HTT-AS: variants seen among roughly 807,000 people sequenced by gnomAD.
The protein encoded by HTT-AS is HTT antisense RNA (head to head).
chr4:3,060,198 T>G (rs999144229), intron 2 of HTT-AS, among the ~76,000 whole-genome samples: 11 of 152,208 alleles, frequency 7.2e-5, no homozygotes, highest in African/African-American at 2.6e-4. Flanking sequence ...TGATAGGAGG[T>G]CATAGCAATT....
rs552887192 is a variant in HTT-AS, at chr4:3,070,853, T to C, written n.113+3573A>G. Among the ~76,000 whole-genome samples the C allele has an allele frequency of 9.1e-4, 139 of 152,322 alleles. 2 individuals are homozygous for C. The highest frequency in any genetic ancestry group is 2.8e-3 in the Admixed American group (43 of 15,306). ...GATCACACATGCCTGACTGTTTGCA[T>C]AGGATAAATTACGGGAAATGTTTTT... On this transcript the variant is annotated intron_variant and non_coding_transcript_variant, in intron 1 of 2. Transcript: ENST00000664062.
At chr4:3,065,515 C>T (rs1190050364) in intron 1 of HTT-AS, among the ~76,000 whole-genome samples, 4 of 152,110 alleles carry the variant, frequency 2.6e-5, no homozygotes, top group African/African-American at 9.7e-5. Flanking sequence ...CCACGCCAGC[C>T]CAACTACTTT....
At chr4:3,052,867 G>A (rs1477486653) in intron 2 of HTT-AS, among the ~76,000 whole-genome samples, 4 of 152,176 alleles carry the variant, frequency 2.6e-5, no homozygotes, top group African/African-American at 9.7e-5. Context: ...ATGGCGGCAT[G>A]CGCCTATAGT....
chr4:3,056,285 A>G (rs1711803647), intron 2 of HTT-AS, among the ~76,000 whole-genome samples: 2 of 152,180 alleles, frequency 1.3e-5, no homozygotes, highest in South Asian at 4.1e-4. Context: ...ATTCAGAGAG[A>G]CTCCAGGGAT....
chr4:3,073,777 T>C (rs929562668), intron 1 of HTT-AS, among the ~76,000 whole-genome samples: 2 of 152,156 alleles, frequency 1.3e-5, no homozygotes, highest in Admixed American at 1.3e-4. Context: ...ACGCGCATTC[T>C]CTGCGCTCTG....
At chr4:3,063,567 A>T (rs1022100571) in exon 2 of HTT-AS, 2 of 152,356 alleles carry the variant, frequency 1.3e-5, no homozygotes, top group East Asian at 1.9e-4. Context: ...GGCAGGACAA[A>T]GACTCCTGGC....
exon 3 of HTT-AS, among the ~76,000 whole-genome samples, chr4:3,049,519 G>A (rs1034721493): frequency 6.6e-6 from 1 of 152,170 alleles, no homozygotes; most frequent in African/African-American, 2.4e-5. Flanking sequence ...ATCTTCTGGG[G>A]AGAGACTTCC....
At chr4:3,057,776 G>A (rs1051124755) in intron 2 of HTT-AS, among the ~76,000 whole-genome samples, 3 of 151,696 alleles carry the variant, frequency 2.0e-5, no homozygotes, top group African/African-American at 7.3e-5. Flanking sequence ...TGGGACTATA[G>A]GCGCCCGCCT....
chr4:3,047,173 T>A (rs1193707562), downstream of HTT-AS, among the ~76,000 whole-genome samples: 1 of 152,144 alleles, frequency 6.6e-6, no homozygotes, highest in East Asian at 1.9e-4. Flanking sequence ...TAGCCGGGCG[T>A]GGTGGCGTGC....
chr4:3,060,473 T>C (rs944765417), intron 2 of HTT-AS, among the ~76,000 whole-genome samples: 4 of 152,194 alleles, frequency 2.6e-5, no homozygotes, highest in Non-Finnish European at 5.9e-5. Flanking sequence ...TTTAGAAAGT[T>C]TATTTTGCCA....
chr4:3,061,836 G>A (rs1711931321), intron 2 of HTT-AS, among the ~76,000 whole-genome samples: 1 of 151,402 alleles, frequency 6.6e-6, no homozygotes. Flanking sequence ...CAAAAAACTA[G>A]CTGGGTGTGG....
intron 2 of HTT-AS, among the ~76,000 whole-genome samples, chr4:3,051,030 T>G (rs202228100): frequency 5.8e-4 from 71 of 122,554 alleles, no homozygotes; most frequent in African/African-American, 1.6e-3. Context: ...CCCTTACAAT[T>G]TGTGTGTGTG....
chr4:3,047,731 G>A (rs1041781068), downstream of HTT-AS, among the ~76,000 whole-genome samples: 10 of 152,212 alleles, frequency 6.6e-5, no homozygotes, highest in African/African-American at 1.9e-4. Flanking sequence ...AGTCAGGCCC[G>A]CCCACAGCCA....
chr4:3,056,046 G>C (rs1199411530), intron 2 of HTT-AS, among the ~76,000 whole-genome samples: 2 of 152,168 alleles, frequency 1.3e-5, no homozygotes, highest in Non-Finnish European at 2.9e-5. Context: ...CAAAATCCAA[G>C]AGAGGACTTA....
At position 3,074,468 on chromosome 4, in the gene HTT-AS, C is replaced by T. The variant is rs765549695; in HGVS notation, n.71G>A. 3.0e-3 allele frequency: 666 copies of T among 222,276 alleles called. 11 individuals carry two copies. Among genetic ancestry groups the T allele is most frequent in the Non-Finnish European group, 2.2e-3 (250 of 115,798 alleles). 13.8% of individuals were successfully genotyped at this position (222,276 alleles called of 1,614,324 possible). On this transcript the variant is annotated non_coding_transcript_exon_variant, in exon 1 of 3. Transcript: ENST00000664062. ...ACGCCCCGTCCCCTCTCCGTTGAGC[C>T]CCGCGCCTTCGCCCGGGTGGGGCGC...
At chr4:3,069,645 CTTA>C (rs1250667605) in intron 1 of HTT-AS, among the ~76,000 whole-genome samples, 1 of 152,158 alleles carries the variant, frequency 6.6e-6, no homozygotes, top group Non-Finnish European at 1.5e-5. Context: ...TAAGAAGCTC[CTTA>C]CCAGCGGTGC....
At chr4:3,062,228 A>G (rs1483719213) in intron 2 of HTT-AS, among the ~76,000 whole-genome samples, 1 of 151,996 alleles carries the variant, frequency 6.6e-6, no homozygotes, top group Non-Finnish European at 1.5e-5. Context: ...ATAGGGTCTC[A>G]CTATGTGTCC....
chr4:3,056,138 G>A (rs900956179), intron 2 of HTT-AS, among the ~76,000 whole-genome samples: 7 of 152,266 alleles, frequency 4.6e-5, no homozygotes, highest in Middle Eastern at 3.4e-3. Context: ...CAGTGCCCCA[G>A]GGGTCATTAG....
At chr4:3,073,194 G>T (rs938315534) in intron 1 of HTT-AS, among the ~76,000 whole-genome samples, 1 of 152,256 alleles carries the variant, frequency 6.6e-6, no homozygotes, top group African/African-American at 2.4e-5. Flanking sequence ...CCACAGAGCA[G>T]GGGACTCTGG....
Sources: allele counts gnomAD v4.1 joint callset (sites outside exome capture counted in the v4.1 genomes callset), GRCh38; gene constraint gnomAD v4.1.1; transcripts MANE v1.5; gene names NCBI Gene and HGNC (gene_info 2026-07-23, HGNC 2026-07-21).